The following LIAS variants were observed in gnomAD, a reference collection of about 807,000 sequenced individuals.
LIAS encodes the protein lipoic acid synthetase.
Under a neutral mutation model 49.4 loss-of-function variants are expected in LIAS, and 36 were observed. That is an observed-to-expected ratio of 0.73 (90% CI 0.56 to 0.96). The LOEUF is 0.96. Among genes scored for constraint, LIAS ranks in the 40% least tolerant of loss-of-function variants. The probability of loss-of-function intolerance (pLI) is 0.00; values close to 1 mark genes in which losing one functional copy is unlikely to be tolerated. For missense variants in LIAS, 399 were observed against 456.3 expected (o/e 0.87, Z 1.14); for synonymous variants, 145 against 155.8 (o/e 0.93, Z 0.52).
chr4:39,468,548 A>G (rs1460180975), intron 7 of LIAS: 1 of 144,614 alleles, frequency 6.9e-6, no homozygotes, highest in East Asian at 2.0e-4. Context: ...ATATTCATAT[A>G]TATTTATATA....
At chr4:39,464,926 A>C in intron 4 of LIAS, 120 bp from the exon 5 acceptor site, 1 of 708,224 alleles carries the variant, frequency 1.4e-6, no homozygotes, top group Non-Finnish European at 2.3e-6. Flanking sequence ...TGAATGTTTC[A>C]AATTTCTTAT....
chr4:39,461,139 A>C (rs1744479359), intron 2 of LIAS, among the ~76,000 whole-genome samples, 177 bp downstream of exon 2: 1 of 152,192 alleles, frequency 6.6e-6, no homozygotes, highest in African/African-American at 2.4e-5. Context: ...AAATTTTTGG[A>C]ATCTTTCTCT....
intron 10 of LIAS, 47 bp from the exon 11 acceptor site, chr4:39,477,016 T>C: frequency 1.6e-6 from 2 of 1,231,990 alleles, no homozygotes; most frequent in Non-Finnish European, 2.3e-6. Context: ...GTCTCACTGT[T>C]ATTTACTTTA....
intron 10 of LIAS, chr4:39,475,604 C>T (rs1344518034): frequency 1.3e-5 from 2 of 152,340 alleles, no homozygotes; most frequent in African/African-American, 2.4e-5. Context: ...TGGCTCACGC[C>T]TGTACTCCTA....
chr4:39,472,264 G>A (rs1029556979), intron 9 of LIAS, among the ~76,000 whole-genome samples: 1 of 151,980 alleles, frequency 6.6e-6, no homozygotes, highest in African/African-American at 2.4e-5. Flanking sequence ...CCATCATAAA[G>A]GTCTTCATCC....
chr4:39,459,336 T>A, intron 1 of LIAS, 174 bp downstream of exon 1: 1 of 625,434 alleles, frequency 1.6e-6, no homozygotes, highest in Non-Finnish European at 2.8e-6. Context: ...CCCCATGATA[T>A]AGAGTCTCTG....
At position 39,471,315 on chromosome 4, in the gene LIAS, A is replaced by G; in HGVS notation, c.954+9A>G. ...CAAGGCGTCACCTTAAGGTACATGT[A>G]TCTTGATTTGCTTTTTTTTTTTTTT... On this transcript the variant is annotated intron_variant, in intron 9 of 10. Coordinates refer to ENST00000640888, the MANE Select transcript of LIAS (RefSeq NM_006859.4). 1.3e-6 allele frequency: 2 copies of G among 1,500,204 alleles called. No homozygotes were observed. Among genetic ancestry groups the G allele is most frequent in the Non-Finnish European group, 1.8e-6 (2 of 1,097,148 alleles). The allele number at this position is 1,500,204 out of a possible 1,614,324, so 92.9% of individuals were successfully genotyped here.
rs547092643 is a variant in LIAS, at chr4:39,479,154, G to C, written c.*2039G>C. ...GAACCTGACAGGCAGAGGTTGCAGTGAGCTGAGATCACATCACTGTACTCC... is the reference window on the plus strand; with the variant it reads ...GAACCTGACAGGCAGAGGTTGCAGTCAGCTGAGATCACATCACTGTACTCC... On this transcript the variant is annotated 3_prime_UTR_variant, in exon 11 of 11. Coordinates refer to ENST00000640888, the MANE Select transcript of LIAS (RefSeq NM_006859.4). The C allele has an allele frequency of 3.9e-5, 6 of 152,330 alleles. No homozygotes were observed. In the East Asian group the frequency reaches 1.2e-3, roughly 29 times the overall value. 9.4% of individuals were successfully genotyped at this position (152,330 alleles called of 1,614,324 possible).
intron 9 of LIAS, among the ~76,000 whole-genome samples, chr4:39,472,120 CAT>C (rs1444847317): frequency 1.5e-4 from 20 of 133,902 alleles, no homozygotes; most frequent in South Asian, 4.6e-4. Flanking sequence ...TACACACACA[CAT>C]ATACACACAC....
rs1331984873 is a variant in LIAS at position 39,470,107 on chromosome 4, A to C, written c.826A>C (p.Thr276Pro). Reference sequence around the variant, plus strand: ...GGTTCAGCCTGATGTTATTTCTAAAACATCTATAATGTTGGGTTTAGGCGA... The same window carrying C: ...GGTTCAGCCTGATGTTATTTCTAAACCATCTATAATGTTGGGTTTAGGCGA... ...KKVQPDVISK[T>P]SIMLGLGEND... The change falls in exon 8 of 11, where the codon ACA becomes CCA. Residue 276 changes from threonine (T) to proline (P), a missense_variant. Coordinates refer to ENST00000640888, the MANE Select transcript of LIAS (RefSeq NM_006859.4). The C allele has an allele frequency of 6.2e-7, 1 of 1,613,998 alleles. No individual in the cohort carries two copies. The highest frequency in any genetic ancestry group is 8.5e-7 in the Non-Finnish European group (1 of 1,179,880).
chr4:39,464,597 A>G (rs771242376), intron 4 of LIAS, among the ~76,000 whole-genome samples: 2 of 152,136 alleles, frequency 1.3e-5, no homozygotes, highest in African/African-American at 2.4e-5. Context: ...CCTAGGCTCA[A>G]GTAATCCTCC....
At position 39,479,375 on chromosome 4, in the gene LIAS, G is replaced by A. The variant is rs538859315; in HGVS notation, c.*2260G>A. On this transcript the variant is annotated 3_prime_UTR_variant, in exon 11 of 11. Transcript: ENST00000640888. ...TACTAAAAATTAAAAAATTAGCCAA[G>A]TGTGGTGGCGCATGTCTGTAATCCC... is the stretch of plus-strand genomic sequence containing the variant. 1.3e-5 allele frequency: 2 copies of A among 150,910 alleles called. No homozygotes were observed. The highest frequency in any genetic ancestry group is 6.6e-5 in the Admixed American group (1 of 15,146). The allele number at this position is 150,910 out of a possible 1,614,324, so 9.3% of individuals were successfully genotyped here.
Position 39,462,289 on chromosome 4 carries a change from A to T in LIAS, c.312A>T (p.Thr104=). Residue 104 remains threonine, a splice_region_variant and synonymous_variant, in exon 3 of 11, where the codon ACA becomes ACT. Transcript: ENST00000640888. The stretch of plus-strand genomic sequence containing the variant: ...CTTTGCGGAATTTAAATCTCCATAC[A>T]GTAAGTTGTCAAAGTGTAAACTATC... ...KNTLRNLNLH[T]VCEEARCPNI... is the part of the protein sequence containing the mutation. The T allele has an allele frequency of 6.7e-7, 1 of 1,495,636 alleles. No individual in the cohort carries two copies. Among genetic ancestry groups the T allele is most frequent in the Non-Finnish European group, 9.1e-7 (1 of 1,102,400 alleles). The allele number at this position is 1,495,636 out of a possible 1,614,324, so 92.6% of individuals were successfully genotyped here.
chr4:39,475,815 TG>T (rs1745175918), intron 10 of LIAS: 1 of 152,254 alleles, frequency 6.6e-6, no homozygotes, highest in African/African-American at 2.4e-5. Flanking sequence ...AGGTTGAGGC[TG>T]CAGTGAGCTG....
Position 39,462,254 on chromosome 4 carries a change from C to A in LIAS, c.277C>A (p.Leu93Met). The part of the protein sequence containing the change: ...EIPMGKNYNK[L>M]KNTLRNLNLH... ...TCCCATGGGGAAAAATTACAATAAA[C>A]TGAAAAATACTTTGCGGAATTTAAA... Residue 93 changes from leucine (L) to methionine (M), a missense_variant, in exon 3 of 11, where the codon CTG becomes ATG. By Grantham distance (15) the Leu-to-Met change is conservative (BLOSUM62 2). Transcript: ENST00000640888. 1 of 1,566,034 alleles carries A rather than the reference C, an allele frequency of 6.4e-7. No homozygotes were observed. Among genetic ancestry groups the A allele is most frequent in the South Asian group, 1.2e-5 (1 of 83,664 alleles).
intron 9 of LIAS, among the ~76,000 whole-genome samples, chr4:39,472,698 C>T (rs1200953389): frequency 6.6e-6 from 1 of 152,148 alleles, no homozygotes; most frequent in African/African-American, 2.4e-5. Flanking sequence ...GACCATGTGC[C>T]AGTCACAGTG....
chr4:39,469,826 G>A (rs1744912722), intron 7 of LIAS, 193 bp from the exon 8 acceptor site: 1 of 428,562 alleles, frequency 2.3e-6, no homozygotes, highest in African/African-American at 2.0e-5. Flanking sequence ...CCAGGCTTGA[G>A]ATAGAACTAG....
chr4:39,479,422 A>G lies in LIAS; in HGVS notation c.*2307A>G, dbSNP rs1327923560. The stretch of plus-strand genomic sequence containing the variant: ...TCCCAGCTACTCAGGAGGCTGAGAC[A>G]GGAGAATCCTTGAACCTGGGAGGCA... On this transcript the variant is annotated 3_prime_UTR_variant, in exon 11 of 11. Coordinates refer to ENST00000640888, the MANE Select transcript of LIAS (RefSeq NM_006859.4). The G allele has an allele frequency of 1.4e-5, 2 of 143,678 alleles. No individual in the cohort carries two copies. The highest frequency in any genetic ancestry group is 3.0e-5 in the Non-Finnish European group (2 of 66,434). The allele number at this position is 143,678 out of a possible 1,614,324, so 8.9% of individuals were successfully genotyped here. A position where few individuals can be genotyped will look rare whatever the true frequency, so the allele number is the denominator to read the frequency against.
rs1412360249 is a variant in LIAS at position 39,470,037 on chromosome 4, G to C, written c.756G>C (p.Arg252=). 1.9e-6 allele frequency: 3 copies of C among 1,608,442 alleles called. No homozygotes were observed. Residue 252 remains arginine (R), a synonymous_variant, in exon 8 of 11, where the codon CGG becomes CGC. Transcript: ENST00000640888. ...PELQSKVRDP[R]ANFDQSLRVL... ...TTTCCAGTAAGGTTCGTGATCCTCG[G>C]GCCAATTTTGATCAGTCCCTACGTG...
Sources: allele counts gnomAD v4.1 joint callset (sites outside exome capture counted in the v4.1 genomes callset), GRCh38; gene constraint gnomAD v4.1.1; transcripts MANE v1.5; gene names NCBI Gene and HGNC (gene_info 2026-07-23, HGNC 2026-07-21).